Variants in ASIC2 observed in about 807,000 individuals in gnomAD.
ASIC2 encodes the protein acid sensing ion channel subunit 2.
Under a neutral mutation model 57.3 loss-of-function variants are expected in ASIC2, and 25 were observed. The observed-to-expected ratio is 0.44, with a 90% CI of 0.32 to 0.61. The LOEUF (loss-of-function observed/expected upper bound fraction) is 0.61. ASIC2 is among the 20% of genes least tolerant of loss of function. The probability of loss-of-function intolerance (pLI) is 0.06; values close to 1 mark genes in which losing one functional copy is unlikely to be tolerated. For missense variants in ASIC2, 641 were observed against 738.1 expected (o/e 0.87, Z 1.52); for synonymous variants, 319 against 307.5 (o/e 1.04, Z -0.39).
At chr17:34,037,601 T>C (rs1907938611) in intron 1 of ASIC2, 3 of 1,560,626 alleles carry the variant, frequency 1.9e-6, no homozygotes, top group African/African-American at 1.4e-5. Context: ...GTTGAACAGT[T>C]TGTGGCCTTG....
intron 1 of ASIC2, among the ~76,000 whole-genome samples, chr17:34,089,988 T>C (rs1057070064): frequency 2.0e-5 from 3 of 152,172 alleles, no homozygotes; most frequent in Non-Finnish European, 4.4e-5. Flanking sequence ...ACCTCACACC[T>C]TGGGCCTCTG....
intron 1 of ASIC2, among the ~76,000 whole-genome samples, chr17:33,635,586 T>A (rs1352188100): frequency 6.6e-6 from 1 of 152,352 alleles, no homozygotes; most frequent in African/African-American, 2.4e-5. Flanking sequence ...AATGTATTTT[T>A]AAACCCCTAT....
chr17:33,718,228 T>G lies in ASIC2; in HGVS notation c.555+437750A>C, dbSNP rs1045301101. 1.1e-4 allele frequency among the ~76,000 whole-genome samples: 17 copies of G among 152,354 alleles called. 1 individual carries two copies. The South Asian group carries it at 3.5e-3, about 32-fold the overall frequency. Reference sequence around the variant, plus strand: ...AATGCTATGTAAATGGTTGTTAGACTGTAATTTAAGCATTTTTTATTGTTG... The same window carrying G: ...AATGCTATGTAAATGGTTGTTAGACGGTAATTTAAGCATTTTTTATTGTTG... On this transcript the variant is annotated intron_variant, in intron 1 of 9. Transcript: ENST00000359872.
At chr17:33,083,352 G>A (rs980216075) in intron 3 of ASIC2, among the ~76,000 whole-genome samples, 1 of 152,180 alleles carries the variant, frequency 6.6e-6, no homozygotes, top group African/African-American at 2.4e-5. Flanking sequence ...GCCTACATGG[G>A]ACTGTTGTAC....
At chr17:33,103,867 T>C (rs1235356040) in intron 2 of ASIC2, among the ~76,000 whole-genome samples, 1 of 152,238 alleles carries the variant, frequency 6.6e-6, no homozygotes, top group Non-Finnish European at 1.5e-5. Context: ...GATATTTGTA[T>C]GGCTGCTTCT....
intron 1 of ASIC2, among the ~76,000 whole-genome samples, chr17:33,614,562 A>G (rs933953505): frequency 6.6e-6 from 1 of 152,256 alleles, no homozygotes; most frequent in African/African-American, 2.4e-5. Context: ...AGATGGTATC[A>G]TGTCTTGAGT....
intron 1 of ASIC2, among the ~76,000 whole-genome samples, chr17:33,659,828 C>A (rs185768634): frequency 6.6e-6 from 1 of 150,824 alleles, no homozygotes; most frequent in South Asian, 2.1e-4. Context: ...GCCGAGATCG[C>A]GCCACTGCAC....
chr17:33,722,746 G>C (rs190696805), intron 1 of ASIC2, among the ~76,000 whole-genome samples: 4 of 152,304 alleles, frequency 2.6e-5, no homozygotes, highest in Non-Finnish European at 4.4e-5. Flanking sequence ...CGGGGTAACA[G>C]GGTGAGACCC....
intron 1 of ASIC2, among the ~76,000 whole-genome samples, chr17:33,452,913 G>C (rs146338447): frequency 6.6e-6 from 1 of 152,172 alleles, no homozygotes; most frequent in Admixed American, 6.5e-5. Context: ...AAGCTCCTCC[G>C]AATCAAACTG....
At chr17:33,197,311 T>A (rs1906673441) in intron 1 of ASIC2, among the ~76,000 whole-genome samples, 1 of 152,154 alleles carries the variant, frequency 6.6e-6, no homozygotes, top group Admixed American at 6.5e-5. Context: ...AAACATCAGC[T>A]CTGCCACTTA....
intron 1 of ASIC2, among the ~76,000 whole-genome samples, chr17:33,923,616 C>T (rs139240735): frequency 5.5e-4 from 84 of 152,330 alleles, no homozygotes; most frequent in African/African-American, 1.9e-3. Flanking sequence ...CTCTTATACA[C>T]TTTCCATGTT....
At chr17:34,013,540 A>G (rs1384620570) in intron 1 of ASIC2, among the ~76,000 whole-genome samples, 1 of 152,232 alleles carries the variant, frequency 6.6e-6, no homozygotes, top group Admixed American at 6.5e-5. Flanking sequence ...TAAGGAGTTT[A>G]TGAACAAATG....
At chr17:34,092,926 C>G (rs1910383666) in intron 1 of ASIC2, among the ~76,000 whole-genome samples, 1 of 152,090 alleles carries the variant, frequency 6.6e-6, no homozygotes, top group South Asian at 2.1e-4. Context: ...TGCATGTTTT[C>G]AAACTTTATA....
intron 1 of ASIC2, among the ~76,000 whole-genome samples, chr17:33,974,584 G>A (rs563883083): frequency 6.7e-6 from 1 of 149,736 alleles, no homozygotes; most frequent in African/African-American, 2.5e-5. Context: ...ATTGAGTGCT[G>A]TTAGGTGATA....
intron 7 of ASIC2, among the ~76,000 whole-genome samples, chr17:33,018,880 G>T (rs1158882407): frequency 6.6e-6 from 1 of 152,186 alleles, no homozygotes; most frequent in Non-Finnish European, 1.5e-5. Flanking sequence ...ATGCCAGCTT[G>T]ACCTCTTGGC....
chr17:33,500,732 G>T (rs1597753698), intron 1 of ASIC2, among the ~76,000 whole-genome samples: 2 of 152,342 alleles, frequency 1.3e-5, no homozygotes, highest in East Asian at 3.9e-4. Context: ...TTATCCCAGA[G>T]TGTCTAAAGG....
At chr17:34,091,312 C>T (rs188467813) in intron 1 of ASIC2, among the ~76,000 whole-genome samples, 59 of 152,332 alleles carry the variant, frequency 3.9e-4, no homozygotes, top group Non-Finnish European at 7.5e-4. Context: ...CAGGAGGGAG[C>T]AGTTTATGTA....
chr17:33,963,338 G>A (rs1454583362), intron 1 of ASIC2, among the ~76,000 whole-genome samples: 1 of 152,134 alleles, frequency 6.6e-6, no homozygotes, highest in Admixed American at 6.5e-5. Context: ...TGGCTTAGGA[G>A]CACAGAACCA....
chr17:33,710,059 A>G lies in ASIC2; in HGVS notation c.555+445919T>C, dbSNP rs76743355. On this transcript the variant is annotated intron_variant, in intron 1 of 9. Transcript: ENST00000359872. ...AATTATCTCTGCCTCCAAGCTCCAT[A>G]GGTTGATGGAGCAGAAAGGAGATGA... is the stretch of plus-strand genomic sequence containing the variant. Among the ~76,000 whole-genome samples, 1,958 of 152,262 alleles carry G rather than the reference A, an allele frequency of 0.013. 67 individuals carry two copies. The East Asian group carries it at 0.14, about 11-fold the overall frequency.
Sources: gnomAD v4.1 joint callset for allele counts (sites outside exome capture counted in the v4.1 genomes callset) on GRCh38, gnomAD v4.1.1 for gene constraint, MANE v1.5 for transcripts, NCBI Gene and HGNC (gene_info 2026-07-23, HGNC 2026-07-21) for gene names.